Variants in EP300 observed in about 807,000 individuals in gnomAD.
EP300 encodes histone acetyltransferase p300.
EP300 carries 31 observed loss-of-function variants against 264.0 expected under a neutral mutation model. The ratio of observed to expected loss-of-function variants is 0.12; its 90% CI spans 0.09 to 0.16. EP300 has a LOEUF of 0.16. Among genes scored for constraint, EP300 ranks in the 10% least tolerant of loss-of-function variants. The pLI, the probability that EP300 is intolerant of heterozygous loss-of-function variation, is 1.00. For synonymous variants in EP300, 1,340 were observed against 1,045.4 expected, an observed-to-expected ratio of 1.28 and a Z score of -5.44; for missense variants, 2,766 against 3,052.9, an observed-to-expected ratio of 0.91 and a Z score of 2.21.
intron 10 of EP300, among the ~76,000 whole-genome samples, chr22:41,142,422 G>A (rs2058987956): frequency 6.6e-6 from 1 of 152,120 alleles, no homozygotes. Context: ...GTAAAAAGTT[G>A]GGAGGAGCAA....
chr22:41,148,466 A>G (rs977394776), intron 12 of EP300, among the ~76,000 whole-genome samples: 2 of 152,114 alleles, frequency 1.3e-5, no homozygotes, highest in African/African-American at 2.4e-5. Flanking sequence ...ATTTTAACCT[A>G]TAAGACAGAT....
At chr22:41,102,399 A>G (rs531224094) in intron 1 of EP300, among the ~76,000 whole-genome samples, 1 of 152,306 alleles carries the variant, frequency 6.6e-6, no homozygotes, top group East Asian at 1.9e-4. Context: ...AGATAGGATT[A>G]GTAAAAATGA....
At chr22:41,174,852 CTT>C (rs1159180386) in intron 29 of EP300, 1 of 152,014 alleles carries the variant, frequency 6.6e-6, no homozygotes, top group Admixed American at 6.6e-5. Flanking sequence ...TTAACAAAAT[CTT>C]TTTTAGAGAG....
At chr22:41,133,210 A>G (rs1467238677) in intron 6 of EP300, among the ~76,000 whole-genome samples, 1 of 129,606 alleles carries the variant, frequency 7.7e-6, no homozygotes. Context: ...AGGCTGGAGT[A>G]CAGTGGCACG....
rs544515301 is a variant in EP300, at chr22:41,125,946, G to T, written c.812G>T (p.Gly271Val). Residue 271 changes from glycine to valine, a missense_variant, in exon 3 of 31, where the codon GGT (glycine) becomes GTT (valine). By Grantham distance (109) the Gly-to-Val change is moderately radical. Coordinates refer to ENST00000263253, the MANE Select transcript of EP300 (RefSeq NM_001429.4). ...CAGCAGATTGGAGCCAGTGGCCTTG[G>T]TCTCCAGATTCAGACAAAAACTGTA... Reference protein sequence around the residue: ...PGQQIGASGLGLQIQTKTVLS... With the variant: ...PGQQIGASGLVLQIQTKTVLS... 6.2e-7 allele frequency: 1 copy of T among 1,614,148 alleles called. No homozygotes were observed. Among genetic ancestry groups the T allele is most frequent in the South Asian group, 1.1e-5 (1 of 91,084 alleles).
chr22:41,177,083 A>G lies in EP300; in HGVS notation c.5372A>G (p.Tyr1791Cys). ...ICKQLIALCCYHAKHCQENKC... is the reference protein window; with the variant it reads ...ICKQLIALCCCHAKHCQENKC... ...AAGCAGCTCATTGCCCTCTGCTGCTACCATGCCAAGCACTGCCAGGAGAAC... is the reference window on the plus strand; with the variant it reads ...AAGCAGCTCATTGCCCTCTGCTGCTGCCATGCCAAGCACTGCCAGGAGAAC... Residue 1791 changes from tyrosine to cysteine, a missense_variant, in exon 31 of 31, where the codon TAC (tyrosine) becomes TGC (cysteine). Transcript: ENST00000263253. 6.2e-7 allele frequency: 1 copy of G among 1,614,150 alleles called. No individual in the cohort carries two copies. Among genetic ancestry groups the G allele is most frequent in the Non-Finnish European group, 8.5e-7 (1 of 1,180,010 alleles).
At chr22:41,170,653 CTTTTTTTTTTT>C (rs35506286) in intron 27 of EP300, 82 bp downstream of exon 27, 131 of 391,652 alleles carry the variant, frequency 3.3e-4, no homozygotes, top group African/African-American at 1.9e-3. Context: ...TGTCATTTAA[CTTTTTTTTTTT>C]TTTTTTTTTT....
Position 41,179,714 on chromosome 22 carries a change from T to C in EP300, c.*758T>C, listed in dbSNP as rs2059229466. Reference sequence around the variant, plus strand: ...TGCCAAATTGATGTATTATATATTGTGGTTTCTGTTTCTTGAAAGAATTTT... The same window carrying C: ...TGCCAAATTGATGTATTATATATTGCGGTTTCTGTTTCTTGAAAGAATTTT... On this transcript the variant is annotated 3_prime_UTR_variant, in exon 31 of 31. Coordinates refer to ENST00000263253, the MANE Select transcript of EP300 (RefSeq NM_001429.4). 4.3e-6 allele frequency: 1 copy of C among 229,922 alleles called. No homozygotes were observed. Among genetic ancestry groups the C allele is most frequent in the Non-Finnish European group, 8.6e-6 (1 of 115,926 alleles). 14.2% of individuals were successfully genotyped at this position (229,922 alleles called of 1,614,324 possible). A position where few individuals can be genotyped will look rare whatever the true frequency, so the allele number is the denominator to read the frequency against.
chr22:41,146,757 C>T lies in EP300; in HGVS notation c.2072C>T (p.Pro691Leu), dbSNP rs764100324. Residue 691 changes from proline (P) to leucine (L), a missense_variant, in exon 11 of 31, where the codon CCA becomes CTA. Coordinates refer to ENST00000263253, the MANE Select transcript of EP300 (RefSeq NM_001429.4). Reference protein sequence around the residue: ...GMTSNGPLPDPSMIRGSVPNQ... With the variant: ...GMTSNGPLPDLSMIRGSVPNQ... Reference sequence around the variant, plus strand: ...ACTCTAGATGGCCCTCTACCTGACCCAAGTATGATCCGTGGCAGTGTGCCA... The same window carrying T: ...ACTCTAGATGGCCCTCTACCTGACCTAAGTATGATCCGTGGCAGTGTGCCA... 4.3e-6 allele frequency: 7 copies of T among 1,614,090 alleles called. No individual in the cohort carries two copies. The highest frequency in any genetic ancestry group is 5.9e-6 in the Non-Finnish European group (7 of 1,180,002).
intron 10 of EP300, among the ~76,000 whole-genome samples, chr22:41,145,990 T>C (rs2059008638): frequency 6.6e-6 from 1 of 152,022 alleles, no homozygotes; most frequent in South Asian, 2.1e-4. Flanking sequence ...ATAATATGCA[T>C]ATTATTTAAA....
Position 41,176,306 on chromosome 22 carries a change from T to C in EP300, c.4839T>C (p.Val1613=). ...GPAANSLPPI[V]DPDPLIPCDL... is the part of the protein sequence containing the mutation. Reference sequence around the variant, plus strand: ...CTGCCAACTCCCTGCCTCCCATTGTTGATCCTGATCCTCTCATCCCCTGCG... The same window carrying C: ...CTGCCAACTCCCTGCCTCCCATTGTCGATCCTGATCCTCTCATCCCCTGCG... The change falls in exon 30 of 31, where the codon GTT becomes GTC. Residue 1613 remains valine (V), a synonymous_variant. Transcript: ENST00000263253. 2 of 1,614,224 alleles carry C rather than the reference T, an allele frequency of 1.2e-6. No homozygotes were observed. Among genetic ancestry groups the C allele is most frequent in the South Asian group, 1.1e-5 (1 of 91,080 alleles).
chr22:41,132,446 C>A (rs1187124654), intron 6 of EP300, among the ~76,000 whole-genome samples: 1 of 151,714 alleles, frequency 6.6e-6, no homozygotes, highest in African/African-American at 2.4e-5. Flanking sequence ...TGCCACCATG[C>A]CCAGCTAATT....
intron 23 of EP300, among the ~76,000 whole-genome samples, chr22:41,167,425 T>G (rs992099032): frequency 1.3e-5 from 2 of 151,664 alleles, no homozygotes; most frequent in Admixed American, 6.6e-5. Flanking sequence ...AGTATTTGAT[T>G]TAGTTTTGGG....
chr22:41,170,491 C>T lies in EP300; in HGVS notation c.4372C>T (p.Pro1458Ser), dbSNP rs1487932572. The T allele has an allele frequency of 6.2e-7, 1 of 1,613,966 alleles. No homozygotes were observed. Reference protein sequence around the residue: ...FHCHPPDQKIPKPKRLQEWYK... With the variant: ...FHCHPPDQKISKPKRLQEWYK... ...TTGCCATCCTCCTGACCAGAAGATA[C>T]CCAAGCCCAAGCGACTGCAGGAATG... Residue 1458 changes from proline (P) to serine (S), a missense_variant, in exon 27 of 31, where the codon CCC becomes TCC. Coordinates refer to ENST00000263253, the MANE Select transcript of EP300 (RefSeq NM_001429.4).
intron 29 of EP300, chr22:41,175,940 C>G (rs1490527696): frequency 2.5e-6 from 1 of 403,194 alleles, no homozygotes; most frequent in African/African-American, 2.0e-5. Flanking sequence ...TGGTGCTCAG[C>G]CTGCTGTACC....
chr22:41,097,360 T>C (rs1317403968), intron 1 of EP300, among the ~76,000 whole-genome samples: 1 of 152,176 alleles, frequency 6.6e-6, no homozygotes, highest in Non-Finnish European at 1.5e-5. Flanking sequence ...GAATGGATAA[T>C]AGGGAGGAGG....
Position 41,173,442 on chromosome 22 carries a change from G to A in EP300, c.4618-181G>A, listed in dbSNP as rs551750094. Reference sequence around the variant, plus strand: ...GCTGCCATTGCCTTAAAGATCACTGGGAGAAAATTAGGTCAAATAACAACT... The same window carrying A: ...GCTGCCATTGCCTTAAAGATCACTGAGAGAAAATTAGGTCAAATAACAACT... On this transcript the variant is annotated intron_variant, in intron 28 of 30. Coordinates refer to ENST00000263253, the MANE Select transcript of EP300 (RefSeq NM_001429.4). Among the ~76,000 whole-genome samples, 501 of 152,222 alleles carry A rather than the reference G, an allele frequency of 3.3e-3. 4 individuals carry two copies. Among genetic ancestry groups the A allele is most frequent in the African/African-American group, 0.011 (458 of 41,536 alleles).
chr22:41,157,921 A>C (rs949440196), intron 18 of EP300, among the ~76,000 whole-genome samples: 2 of 152,204 alleles, frequency 1.3e-5, no homozygotes, highest in Non-Finnish European at 2.9e-5. Context: ...TTGTATGGAA[A>C]AGTTGACTAA....
chr22:41,135,949 A>C (rs2058948418), intron 7 of EP300, 43 bp downstream of exon 7: 2 of 1,379,166 alleles, frequency 1.5e-6, no homozygotes, highest in East Asian at 4.6e-5. Context: ...CATTACAAAT[A>C]CTACTGGTTA....
Sources: gnomAD v4.1 joint callset for allele counts (sites outside exome capture counted in the v4.1 genomes callset) on GRCh38, gnomAD v4.1.1 for gene constraint, MANE v1.5 for transcripts, NCBI Gene and HGNC (gene_info 2026-07-23, HGNC 2026-07-21) for gene names.